The following VWA5A variants were observed in gnomAD, a reference collection of about 807,000 sequenced individuals.
The protein encoded by VWA5A is von Willebrand factor A domain-containing protein 5A.
Under a neutral mutation model 84.6 loss-of-function variants are expected in VWA5A, and 77 were observed. The ratio of observed to expected loss-of-function variants is 0.91; its 90% CI spans 0.76 to 1.10. VWA5A has a LOEUF of 1.10. Among genes scored for constraint, VWA5A ranks in the 50% least tolerant of loss-of-function variants. The pLI is 0.00. For synonymous variants in VWA5A, 334 were observed against 350.1 expected, an observed-to-expected ratio of 0.95 and a Z score of 0.51; for missense variants, 973 against 963.0, an observed-to-expected ratio of 1.01 and a Z score of -0.14.
chr11:124,130,912 A>C (rs1434070812), intron 11 of VWA5A, among the ~76,000 whole-genome samples: 1 of 152,110 alleles, frequency 6.6e-6, no homozygotes, highest in African/African-American at 2.4e-5. Flanking sequence ...GTTTTTAAAA[A>C]ATTCTGAAAT....
In VWA5A at chr11:124,145,856, C is replaced by T; in HGVS notation, c.2282-10C>T. On this transcript the variant is annotated splice_polypyrimidine_tract_variant and intron_variant, in intron 18 of 18. Transcript: ENST00000456829. The stretch of plus-strand genomic sequence containing the variant: ...CCTTCATCCCTGCTTCTTGTTTTTC[C>T]TCACCACAGGCTCCACCATGCCTTC... The T allele has an allele frequency of 6.4e-7, 1 of 1,571,290 alleles. No individual in the cohort carries two copies. Among genetic ancestry groups the T allele is most frequent in the Non-Finnish European group, 8.7e-7 (1 of 1,154,948 alleles).
rs146474481 is a variant in VWA5A at position 124,141,627 on chromosome 11, C to T, written c.1909C>T (p.Pro637Ser). The T allele has an allele frequency of 3.1e-6, 5 of 1,613,968 alleles. No individual in the cohort carries two copies. In the African/African-American group the frequency reaches 6.7e-5, roughly 22 times the overall value. The stretch of plus-strand genomic sequence containing the variant: ...TCGAAAGGCCTTACACTCTGACCGT[C>T]CTCCTTCTGCATCTCAGCCCAGAGG... ...GFRKALHSDR[P>S]PSASQPRGEL... is the part of the protein sequence containing the mutation. Residue 637 changes from proline to serine, a missense_variant, in exon 16 of 19, where the codon CCT becomes TCT. By Grantham distance (74) the Pro-to-Ser change is moderately conservative (BLOSUM62 -1). Transcript: ENST00000456829.
intron 3 of VWA5A, 46 bp downstream of exon 3, chr11:124,117,600 C>T (rs1470443669): frequency 6.2e-7 from 1 of 1,613,816 alleles, no homozygotes; most frequent in African/African-American, 1.3e-5. Context: ...TCTTTGGCAC[C>T]TATCACAAGG....
chr11:124,119,893 TTGAC>T (rs1864903639), intron 7 of VWA5A, among the ~76,000 whole-genome samples: 1 of 152,236 alleles, frequency 6.6e-6, no homozygotes, highest in African/African-American at 2.4e-5. Context: ...TGTGATTAGA[TTGAC>T]TAAGTTTAAT....
intron 12 of VWA5A, 127 bp downstream of exon 12, chr11:124,135,161 A>G (rs1187136126): frequency 3.1e-6 from 2 of 641,908 alleles, no homozygotes; most frequent in Non-Finnish European, 5.1e-6. Context: ...TATATCCCCA[A>G]GGCCTTAGGC....
intron 1 of VWA5A, chr11:124,115,992 C>T (rs951941297): frequency 4.6e-5 from 7 of 152,252 alleles, no homozygotes; most frequent in Non-Finnish European, 1.5e-5. Flanking sequence ...TTATCCAAGC[C>T]CCACTTCTTA....
intron 7 of VWA5A, among the ~76,000 whole-genome samples, chr11:124,120,443 T>A (rs1386065889): frequency 6.6e-6 from 1 of 152,214 alleles, no homozygotes; most frequent in Non-Finnish European, 1.5e-5. Flanking sequence ...CTTAGGCTCT[T>A]GTTTTTACAA....
chr11:124,136,280 C>T lies in VWA5A; in HGVS notation c.1511C>T (p.Thr504Ile), dbSNP rs1865181977. The stretch of plus-strand genomic sequence containing the variant: ...AGATTAATCAGCTATGCCCAGCTGA[C>T]CGGGAGGATGCCAGTGAGTTCCCAT... ...GQRLISYAQL[T>I]GRMPAAETTG... Residue 504 changes from threonine (T) to isoleucine (I), a missense_variant, in exon 13 of 19, where the codon ACC becomes ATC. Physicochemically the swap from Thr to Ile is moderately conservative, Grantham distance 89. Coordinates refer to ENST00000456829, the MANE Select transcript of VWA5A (RefSeq NM_001130142.2). 8.7e-6 allele frequency: 14 copies of T among 1,613,044 alleles called. No individual in the cohort carries two copies. The highest frequency in any genetic ancestry group is 1.3e-5 in the African/African-American group (1 of 75,014).
At chr11:124,117,635 T>C (rs1168934337) in intron 3 of VWA5A, 38 bp from the exon 4 acceptor site, 3 of 1,614,170 alleles carry the variant, frequency 1.9e-6, no homozygotes, top group Non-Finnish European at 2.5e-6. Context: ...AGGCAATCTA[T>C]TGAAGCTTGA....
rs1262671277 is a variant in VWA5A at position 124,124,329 on chromosome 11, T to C, written c.1244+13T>C. 1.2e-6 allele frequency: 2 copies of C among 1,613,230 alleles called. No homozygotes were observed. Among genetic ancestry groups the C allele is most frequent in the Admixed American group, 1.7e-5 (1 of 59,942 alleles). On this transcript the variant is annotated intron_variant, in intron 11 of 18. Coordinates refer to ENST00000456829, the MANE Select transcript of VWA5A (RefSeq NM_001130142.2). ...GACAGAAACACAGGTAGGAAGAAAA[T>C]GTGATTTCCGGGTGATTGGTGCTGA...
chr11:124,118,745 C>A, intron 6 of VWA5A, 37 bp downstream of exon 6: 2 of 1,587,342 alleles, frequency 1.3e-6, no homozygotes, highest in East Asian at 2.3e-5. Context: ...GTCAGTACCT[C>A]TGTTGCTTGA....
At chr11:124,138,128 G>T (rs1860650536) in intron 15 of VWA5A, among the ~76,000 whole-genome samples, 1 of 152,130 alleles carries the variant, frequency 6.6e-6, no homozygotes, top group African/African-American at 2.4e-5. Flanking sequence ...CTATGTTGTT[G>T]CAAATAACAG....
At position 124,136,790 on chromosome 11, in the gene VWA5A, T is replaced by G. The variant is rs1348690259; in HGVS notation, c.1625+116T>G. On this transcript the variant is annotated intron_variant, in intron 14 of 18. Coordinates refer to ENST00000456829, the MANE Select transcript of VWA5A (RefSeq NM_001130142.2). The stretch of plus-strand genomic sequence containing the variant: ...CCTCCCTCCCTCCCTCCTTCCTTCC[T>G]TCTTTCCTCTGCCATCTTTGGGGAT... The G allele has an allele frequency of 6.5e-6, 5 of 764,560 alleles. No homozygotes were observed. The East Asian group carries it at 1.4e-4, about 22-fold the overall frequency. The allele number at this position is 764,560 out of a possible 1,614,324, so 47.4% of individuals were successfully genotyped here.
intron 15 of VWA5A, among the ~76,000 whole-genome samples, chr11:124,139,225 T>TGTGTGTGTG (rs1860678571): frequency 6.4e-4 from 95 of 147,320 alleles, no homozygotes; most frequent in Admixed American, 1.0e-3. Flanking sequence ...AGCATTTTGT[T>TGTGTGTGTG]TGTGTGTGTG....
At position 124,123,700 on chromosome 11, in the gene VWA5A, C is replaced by A; in HGVS notation, c.1060C>A (p.Leu354Met). Residue 354 changes from leucine to methionine, a missense_variant, in exon 10 of 19, where the codon CTG (leucine) becomes ATG (methionine). Coordinates refer to ENST00000456829, the MANE Select transcript of VWA5A (RefSeq NM_001130142.2). ...KYTQQTMEEA[L>M]GRVKLMQADL... Reference sequence around the variant, plus strand: ...CACTCAGCAAACAATGGAGGAGGCTCTGGGGAGAGTGAAGCTTATGCAGGC... The same window carrying A: ...CACTCAGCAAACAATGGAGGAGGCTATGGGGAGAGTGAAGCTTATGCAGGC... 6.2e-7 allele frequency: 1 copy of A among 1,613,920 alleles called. No homozygotes were observed.
rs1555040142 is a variant in VWA5A, at chr11:124,146,040, CTCTT to C, written c.*97_*100del. ...GATGATGTGTTCTTGTGTATTATAA[CTCTT>C]TATTTTTTGCCATAAAAGTAAAGGA... On this transcript the variant is annotated 3_prime_UTR_variant, in exon 19 of 19. Coordinates refer to ENST00000456829, the MANE Select transcript of VWA5A (RefSeq NM_001130142.2). The C allele has an allele frequency of 2.3e-6, 3 of 1,301,922 alleles. No individual in the cohort carries two copies. The highest frequency in any genetic ancestry group is 3.2e-6 in the Non-Finnish European group (3 of 949,316). The allele number at this position is 1,301,922 out of a possible 1,614,324, so 80.6% of individuals were successfully genotyped here.
chr11:124,133,852 T>C (rs997875199), intron 11 of VWA5A, among the ~76,000 whole-genome samples: 1 of 152,218 alleles, frequency 6.6e-6, no homozygotes, highest in Non-Finnish European at 1.5e-5. Context: ...TTAATTTTTA[T>C]TATCATCCAC....
rs779870356 is a variant in VWA5A, at chr11:124,117,861, C to A, written c.232C>A (p.Gln78Lys). 1.2e-6 allele frequency: 2 copies of A among 1,614,170 alleles called. No homozygotes were observed. The highest frequency in any genetic ancestry group is 1.7e-5 in the Admixed American group (1 of 60,014). Reference protein sequence around the residue: ...VDGKKIVAELQDKMKARTNYE... With the variant: ...VDGKKIVAELKDKMKARTNYE... ...TGGGAAGAAAATTGTAGCAGAATTA[C>A]AAGACAAGATGAAGGTAGTAGAGAT... The change falls in exon 4 of 19, where the codon CAA (glutamine) becomes AAA (lysine). Residue 78 changes from glutamine to lysine, a missense_variant. Gln to Lys is a moderately conservative substitution (Grantham distance 53). Coordinates refer to ENST00000456829, the MANE Select transcript of VWA5A (RefSeq NM_001130142.2).
At chr11:124,136,778 C>A in intron 14 of VWA5A, 104 bp downstream of exon 14, 1 of 745,790 alleles carries the variant, frequency 1.3e-6, no homozygotes, top group Non-Finnish European at 2.1e-6. Context: ...CCCTCCCTCC[C>A]TCCTTCCTTC....
Sources: allele counts gnomAD v4.1 joint callset (sites outside exome capture counted in the v4.1 genomes callset), GRCh38; gene constraint gnomAD v4.1.1; transcripts MANE v1.5; gene names NCBI Gene and HGNC (gene_info 2026-07-23, HGNC 2026-07-21).